Variants in HTR2B observed in about 807,000 individuals in gnomAD.
HTR2B encodes 5-hydroxytryptamine receptor 2B, also known as 5-HT 2B receptor.
A neutral mutation model predicts 39.8 loss-of-function variants in HTR2B; 31 were observed. That is an observed-to-expected ratio of 0.78 (90% CI 0.58 to 1.05). HTR2B has a LOEUF of 1.05. HTR2B is among the 50% of genes least tolerant of loss of function. The pLI, the probability that HTR2B is intolerant of heterozygous loss-of-function variation, is 0.00. For synonymous variants in HTR2B, 210 were observed against 207.1 expected (o/e 1.01, Z -0.12); for missense variants, 562 against 578.0 (o/e 0.97, Z 0.28).
chr2:231,109,977 G>A (rs1345808364), intron 3 of HTR2B, among the ~76,000 whole-genome samples: 2 of 152,204 alleles, frequency 1.3e-5, no homozygotes, highest in African/African-American at 2.4e-5. Flanking sequence ...AAATTTGAGT[G>A]TGTGTGAATC....
At chr2:231,119,068 C>T (rs941018122) in intron 2 of HTR2B, among the ~76,000 whole-genome samples, 1 of 152,064 alleles carries the variant, frequency 6.6e-6, no homozygotes, top group African/African-American at 2.4e-5. Flanking sequence ...TATGAGTTAT[C>T]CTGGGGTTCA....
At chr2:231,116,662 T>A (rs545811349) in intron 2 of HTR2B, among the ~76,000 whole-genome samples, 4 of 152,204 alleles carry the variant, frequency 2.6e-5, no homozygotes, top group African/African-American at 9.6e-5. Flanking sequence ...AGTGCTGATT[T>A]AAGTAACCCT....
chr2:231,109,453 T>G (rs1559234104), intron 3 of HTR2B, 44 bp from the exon 4 acceptor site: 4 of 1,519,698 alleles, frequency 2.6e-6, no homozygotes, highest in Non-Finnish European at 3.7e-6. Context: ...TTTTATGACC[T>G]GTAACTCTTC....
At position 231,108,323 on chromosome 2, in the gene HTR2B, T is replaced by C; in HGVS notation, c.*194A>G. On this transcript the variant is annotated 3_prime_UTR_variant, in exon 4 of 4. Coordinates refer to ENST00000258400, the MANE Select transcript of HTR2B (RefSeq NM_000867.5). ...GTGCTGGATTGTTTTCATTTGTAGC[T>C]ATATAAAATTATTTTCCTCATGGAA... 1.8e-6 allele frequency: 1 copy of C among 544,676 alleles called. No homozygotes were observed. Among genetic ancestry groups the C allele is most frequent in the Non-Finnish European group, 3.2e-6 (1 of 309,790 alleles). The allele number at this position is 544,676 out of a possible 1,614,324, so 33.7% of individuals were successfully genotyped here. A position where few individuals can be genotyped will look rare whatever the true frequency, so the allele number is the denominator to read the frequency against.
In HTR2B at chr2:231,113,905, A is replaced by G; in HGVS notation, c.377T>C (p.Val126Ala). ...MFEAMWPLPLVLCPAWLFLDV... is the reference protein window; with the variant it reads ...MFEAMWPLPLALCPAWLFLDV... ...AAGAAATAACCAGGCAGGACATAGA[A>G]CAAGTGGGAGGGGCCACATAGCCTC... The change falls in exon 3 of 4, where the codon GTT (valine) becomes GCT (alanine). Residue 126 changes from valine to alanine, a missense_variant. Val to Ala is a moderately conservative substitution (Grantham distance 64). Coordinates refer to ENST00000258400, the MANE Select transcript of HTR2B (RefSeq NM_000867.5). 2 of 1,614,164 alleles carry G rather than the reference A, an allele frequency of 1.2e-6. No homozygotes were observed. Among genetic ancestry groups the G allele is most frequent in the South Asian group, 2.2e-5 (2 of 91,086 alleles).
Position 231,109,182 on chromosome 2 carries a change from A to G in HTR2B, c.781T>C (p.Trp261Arg), listed in dbSNP as rs775381920. The G allele has an allele frequency of 1.9e-6, 3 of 1,614,222 alleles. No homozygotes were observed. Among genetic ancestry groups the G allele is most frequent in the East Asian group, 2.2e-5 (1 of 44,882 alleles). ...TGGAAAACTGTAGACACAGTCAACC[A>G]TGTTAGGCGTTGAGGTGGCTTGTTT... ...VKNKPPQRLT[W>R]LTVSTVFQRD... Residue 261 changes from tryptophan to arginine, a missense_variant, in exon 4 of 4, where the codon TGG becomes CGG. By Grantham distance (101) the Trp-to-Arg change is moderately radical (BLOSUM62 -3). Transcript: ENST00000258400.
intron 3 of HTR2B, among the ~76,000 whole-genome samples, chr2:231,112,907 G>A (rs962051067): frequency 5.9e-5 from 9 of 152,166 alleles, no homozygotes; most frequent in African/African-American, 2.2e-4. Flanking sequence ...ACTCACGCCT[G>A]TAATCCCAGC....
At chr2:231,118,149 C>A (rs1176326595) in intron 2 of HTR2B, among the ~76,000 whole-genome samples, 3 of 146,460 alleles carry the variant, frequency 2.0e-5, no homozygotes. Context: ...TATAGGATTT[C>A]TTTAATAGAG....
chr2:231,114,842 C>T (rs1218461950), intron 2 of HTR2B, among the ~76,000 whole-genome samples: 1 of 152,074 alleles, frequency 6.6e-6, no homozygotes, highest in Non-Finnish European at 1.5e-5. Context: ...ATATTACACC[C>T]ACCACTTAAC....
At position 231,108,559 on chromosome 2, in the gene HTR2B, T is replaced by C; in HGVS notation, c.1404A>G (p.Glu468=). 6.2e-7 allele frequency: 1 copy of C among 1,614,048 alleles called. No individual in the cohort carries two copies. The highest frequency in any genetic ancestry group is 8.5e-7 in the Non-Finnish European group (1 of 1,179,986). The change falls in exon 4 of 4, where the codon GAA becomes GAG. Residue 468 remains glutamate (E), a synonymous_variant. Coordinates refer to ENST00000258400, the MANE Select transcript of HTR2B (RefSeq NM_000867.5). ...GCTCTTCAGTTTTGTCACCTTCATT[T>C]TCAGTGAGGAGAAGCGTATCTAGTA... The part of the protein sequence containing the change: ...IILLDTLLLT[E]NEGDKTEEQV...
In HTR2B at chr2:231,109,230, G is replaced by A; in HGVS notation, c.733C>T (p.Gln245Ter). ...TTTTTGACTAAGTAAGCCTTCTTCT[G>A]TAAAGCATGGATAGTGAGAAAGTAG... ...VTYFLTIHAL[Q>*]KKAYLVKNKP... The change falls in exon 4 of 4, where the codon CAG becomes TAG. Residue 245 changes from glutamine to a stop codon, truncating the protein, a stop_gained. Transcript: ENST00000258400. LOFTEE classifies it high-confidence loss of function. The A allele has an allele frequency of 6.2e-7, 1 of 1,614,176 alleles. No homozygotes were observed. Among genetic ancestry groups the A allele is most frequent in the Non-Finnish European group, 8.5e-7 (1 of 1,180,032 alleles).
rs554886742 is a variant in HTR2B, at chr2:231,115,463, A to G, written c.353-1534T>C. Among the ~76,000 whole-genome samples the G allele has an allele frequency of 2.6e-3, 393 of 152,296 alleles. 2 individuals are homozygous for G. The highest frequency in any genetic ancestry group is 4.1e-3 in the Non-Finnish European group (281 of 68,000). ...AAAATCAGCACAAACTTTTACTCAG[A>G]AAGAATAAATGATTGGGACTTAGTT... On this transcript the variant is annotated intron_variant, in intron 2 of 3. Coordinates refer to ENST00000258400, the MANE Select transcript of HTR2B (RefSeq NM_000867.5).
rs564443154 is a variant in HTR2B, at chr2:231,125,010, A to T, written c.-405T>A. On this transcript the variant is annotated 5_prime_UTR_variant, in exon 1 of 4. Coordinates refer to ENST00000258400, the MANE Select transcript of HTR2B (RefSeq NM_000867.5). ...GTTATTTTGCTGAGCATGTCATCTT[A>T]TCTGTTCACTAGACTTGCTTGCTGC... 6.6e-6 allele frequency: 1 copy of T among 152,058 alleles called. No homozygotes were observed. Among genetic ancestry groups the T allele is most frequent in the Non-Finnish European group, 1.5e-5 (1 of 68,014 alleles). The allele number at this position is 152,058 out of a possible 1,614,324, so 9.4% of individuals were successfully genotyped here.
chr2:231,110,190 C>T (rs1181118222), intron 3 of HTR2B, among the ~76,000 whole-genome samples: 2 of 151,976 alleles, frequency 1.3e-5, no homozygotes, highest in East Asian at 3.9e-4. Context: ...CATGGTGGCA[C>T]GCGCCTGTAC....
At chr2:231,113,320 CTT>C (rs956594458) in intron 3 of HTR2B, among the ~76,000 whole-genome samples, 6 of 152,000 alleles carry the variant, frequency 3.9e-5, no homozygotes, top group African/African-American at 1.4e-4. Context: ...TGTTTTTTCT[CTT>C]ATTAATCTTT....
chr2:231,120,615 TCAG>T (rs2125227743), intron 2 of HTR2B, among the ~76,000 whole-genome samples: 1 of 152,334 alleles, frequency 6.6e-6, no homozygotes, highest in East Asian at 1.9e-4. Flanking sequence ...ATTATACAGA[TCAG>T]TGGTTGAATA....
chr2:231,112,406 G>C (rs1327660351), intron 3 of HTR2B, among the ~76,000 whole-genome samples: 1 of 151,952 alleles, frequency 6.6e-6, no homozygotes, highest in Non-Finnish European at 1.5e-5. Flanking sequence ...ACTTTTTCTT[G>C]ACCCTGTTTT....
chr2:231,109,541 G>T (rs1366058229), intron 3 of HTR2B, 132 bp from the exon 4 acceptor site: 3 of 762,732 alleles, frequency 3.9e-6, no homozygotes, highest in East Asian at 2.7e-5. Flanking sequence ...CACAATGCAG[G>T]ATTTGTCGAA....
At chr2:231,122,347 T>C (rs1695575651) in intron 2 of HTR2B, among the ~76,000 whole-genome samples, 1 of 152,124 alleles carries the variant, frequency 6.6e-6, no homozygotes, top group Non-Finnish European at 1.5e-5. Context: ...AACCTGGGTA[T>C]AATAGTTGGA....
Sources: allele counts gnomAD v4.1 joint callset (sites outside exome capture counted in the v4.1 genomes callset), GRCh38; gene constraint gnomAD v4.1.1; transcripts MANE v1.5; gene names NCBI Gene and HGNC (gene_info 2026-07-23, HGNC 2026-07-21).